Variants in SLC7A14 observed in about 807,000 individuals in gnomAD.
SLC7A14 encodes solute carrier family 7 member 14.
SLC7A14 carries 37 observed loss-of-function variants against 60.2 expected under a neutral mutation model. The ratio of observed to expected loss-of-function variants is 0.61; its 90% CI spans 0.47 to 0.81. The LOEUF (loss-of-function observed/expected upper bound fraction) is 0.81, where lower values mean the gene tolerates loss of function less well. Ranked by LOEUF, SLC7A14 falls within the 30% of genes least tolerant of loss-of-function variation. SLC7A14 has a pLI of 0.00. For synonymous variants in SLC7A14, 399 were observed against 395.8 expected (o/e 1.01, Z -0.10); for missense variants, 886 against 982.7 (o/e 0.90, Z 1.32).
At chr3:170,579,241 A>C (rs886956532) in intron 1 of SLC7A14, among the ~76,000 whole-genome samples, 1 of 152,214 alleles carries the variant, frequency 6.6e-6, no homozygotes, top group African/African-American at 2.4e-5. Flanking sequence ...GAGTGTTCCC[A>C]GCATCAATTT....
intron 1 of SLC7A14, among the ~76,000 whole-genome samples, chr3:170,546,959 A>C (rs1714198030): frequency 6.6e-6 from 1 of 152,202 alleles, no homozygotes; most frequent in Non-Finnish European, 1.5e-5. Context: ...GCTTTTAAAA[A>C]TAATAATGTC....
At chr3:170,533,696 G>A (rs1044136238) in intron 1 of SLC7A14, among the ~76,000 whole-genome samples, 105 of 150,116 alleles carry the variant, frequency 7.0e-4, no homozygotes, top group Non-Finnish European at 1.2e-3. Flanking sequence ...GTGTGTGCAC[G>A]CACACACATG....
At chr3:170,475,545 A>T (rs2108266139) in intron 7 of SLC7A14, among the ~76,000 whole-genome samples, 1 of 152,302 alleles carries the variant, frequency 6.6e-6, no homozygotes, top group Non-Finnish European at 1.5e-5. Context: ...ATATGCAAAA[A>T]ATAGTTTTTG....
At position 170,467,228 on chromosome 3, in the gene SLC7A14, C is replaced by G; in HGVS notation, c.2143G>C (p.Glu715Gln). 6.2e-7 allele frequency: 1 copy of G among 1,614,254 alleles called. No homozygotes were observed. Among genetic ancestry groups the G allele is most frequent in the South Asian group, 1.1e-5 (1 of 91,086 alleles). ...GGCCCGCCCCAGTCCTCCTGGCTCT[C>G]GCCCTCTGTGGCGTAGGAGAAACCC... The part of the protein sequence containing the change: ...EEGFSYATEG[E>Q]SQEDWGGPTE... Residue 715 changes from glutamate (E) to glutamine (Q), a missense_variant, in exon 8 of 8, where the codon GAG (glutamate) becomes CAG (glutamine). Physicochemically the swap from Glu to Gln is conservative, Grantham distance 29. Transcript: ENST00000231706.
At position 170,496,516 on chromosome 3, in the gene SLC7A14, G is replaced by A. The variant is rs878959269; in HGVS notation, c.759+2151C>T. ...TCGGAGCTGGAGGCCGCCCTGCAGC[G>A]GGCCAAGCAGGACATGGCGCAGCAG... On this transcript the variant is annotated intron_variant, in intron 4 of 7. Coordinates refer to ENST00000231706, the MANE Select transcript of SLC7A14 (RefSeq NM_020949.3). 204 of 1,537,640 alleles carry A rather than the reference G, an allele frequency of 1.3e-4. 1 individual carries two copies. The highest frequency in any genetic ancestry group is 1.1e-3 in the South Asian group (98 of 89,524).
chr3:170,501,131 G>A lies in SLC7A14; in HGVS notation c.519C>T (p.Ser173=), dbSNP rs781749172. The part of the protein sequence containing the change: ...NHTISRWMAD[S]VGTLNGLGKG... Reference sequence around the variant, plus strand: ...CACCCAGGCCATTGAGGGTTCCCACGCTGTCCGCCATCCAGCGGCTGATGG... The same window carrying A: ...CACCCAGGCCATTGAGGGTTCCCACACTGTCCGCCATCCAGCGGCTGATGG... Residue 173 remains serine (S), a synonymous_variant, in exon 3 of 8, where the codon AGC becomes AGT. Transcript: ENST00000231706. 50 of 1,614,200 alleles carry A rather than the reference G, an allele frequency of 3.1e-5. No individual in the cohort carries two copies. Among genetic ancestry groups the A allele is most frequent in the Non-Finnish European group, 4.0e-5 (47 of 1,180,036 alleles).
At chr3:170,571,349 G>T (rs1714950369) in intron 1 of SLC7A14, among the ~76,000 whole-genome samples, 1 of 152,144 alleles carries the variant, frequency 6.6e-6, no homozygotes, top group South Asian at 2.1e-4. Flanking sequence ...ACAGTTTAGG[G>T]CAAATCTGTC....
chr3:170,508,523 C>T (rs141308758), intron 2 of SLC7A14, among the ~76,000 whole-genome samples: 66 of 152,320 alleles, frequency 4.3e-4, no homozygotes, highest in African/African-American at 1.4e-3. Context: ...AGTGATTTCT[C>T]ATCCATGAAG....
chr3:170,490,398 A>G (rs1316344168), intron 4 of SLC7A14, among the ~76,000 whole-genome samples: 1 of 152,230 alleles, frequency 6.6e-6, no homozygotes, highest in African/African-American at 2.4e-5. Context: ...ACACATATAC[A>G]TACATATACA....
chr3:170,533,212 A>C (rs761796916), intron 1 of SLC7A14, among the ~76,000 whole-genome samples: 50 of 152,094 alleles, frequency 3.3e-4, no homozygotes, highest in Non-Finnish European at 1.9e-4. Flanking sequence ...TTATGTTTGC[A>C]CCATAACTGG....
At position 170,497,839 on chromosome 3, in the gene SLC7A14, C is replaced by T. The variant is rs777541376; in HGVS notation, c.759+828G>A. Among the ~76,000 whole-genome samples the T allele has an allele frequency of 8.4e-4, 128 of 152,290 alleles. 1 individual carries two copies. The highest frequency in any genetic ancestry group is 2.5e-4 in the Non-Finnish European group (17 of 68,026). On this transcript the variant is annotated intron_variant, in intron 4 of 7. Coordinates refer to ENST00000231706, the MANE Select transcript of SLC7A14 (RefSeq NM_020949.3). ...CTTCCTATTTTTCTCTAGCATAAAC[C>T]GCACTAGCCAGATCATGGAATGAGA... is the stretch of plus-strand genomic sequence containing the variant.
chr3:170,464,625 TA>T lies in SLC7A14; in HGVS notation c.*2429del, dbSNP rs1739677578. The T allele has an allele frequency of 6.6e-6, 1 of 152,174 alleles. No homozygotes were observed. Among genetic ancestry groups the T allele is most frequent in the Non-Finnish European group, 1.5e-5 (1 of 68,030 alleles). 9.4% of individuals were successfully genotyped at this position (152,174 alleles called of 1,614,324 possible). ...TTAGAAAAATAAAGGGAGCTAAGCT[TA>T]AAATATACTAATATACTATGTGGGA... On this transcript the variant is annotated 3_prime_UTR_variant, in exon 8 of 8. Coordinates refer to ENST00000231706, the MANE Select transcript of SLC7A14 (RefSeq NM_020949.3).
At chr3:170,547,275 C>A (rs980397885) in intron 1 of SLC7A14, among the ~76,000 whole-genome samples, 2 of 152,110 alleles carry the variant, frequency 1.3e-5, no homozygotes, top group African/African-American at 4.8e-5. Flanking sequence ...TTTTTATCTC[C>A]TATAAACAAA....
At chr3:170,504,513 G>A (rs1712711599) in intron 2 of SLC7A14, among the ~76,000 whole-genome samples, 1 of 151,954 alleles carries the variant, frequency 6.6e-6, no homozygotes, top group Non-Finnish European at 1.5e-5. Context: ...TAGAGATGGG[G>A]TTTCTCCATG....
intron 2 of SLC7A14, among the ~76,000 whole-genome samples, chr3:170,510,387 C>CAAAAAAAAAAAAAAA (rs200708263): frequency 1.0e-5 from 1 of 99,110 alleles, no homozygotes. Context: ...AAGACTCTGT[C>CAAAAAAAAAAAAAAA]AAAAAAAAAA....
At chr3:170,561,884 T>C (rs1206334984) in intron 1 of SLC7A14, among the ~76,000 whole-genome samples, 2 of 151,964 alleles carry the variant, frequency 1.3e-5, no homozygotes, top group South Asian at 2.1e-4. Context: ...AACAAACGTA[T>C]GAAAAAATGC....
intron 2 of SLC7A14, among the ~76,000 whole-genome samples, chr3:170,508,727 C>G (rs530561806): frequency 1.3e-5 from 2 of 152,108 alleles, no homozygotes; most frequent in African/African-American, 4.8e-5. Flanking sequence ...ATCTCTGTTC[C>G]GTTTATGCAG....
intron 4 of SLC7A14, among the ~76,000 whole-genome samples, chr3:170,494,060 A>T (rs976694008): frequency 6.6e-6 from 1 of 152,220 alleles, no homozygotes; most frequent in Non-Finnish European, 1.5e-5. Context: ...GAAGTGCAAA[A>T]AAAGATAACC....
chr3:170,500,380 A>T (rs183586168), intron 3 of SLC7A14, among the ~76,000 whole-genome samples: 123 of 144,722 alleles, frequency 8.5e-4, no homozygotes, highest in African/African-American at 3.0e-3. Flanking sequence ...TGGAGGTTGC[A>T]GTGAGCCCAG....
Sources: gnomAD v4.1 joint callset for allele counts (sites outside exome capture counted in the v4.1 genomes callset) on GRCh38, gnomAD v4.1.1 for gene constraint, MANE v1.5 for transcripts, NCBI Gene and HGNC (gene_info 2026-07-23, HGNC 2026-07-21) for gene names.